PCDH15: variants seen among roughly 807,000 people sequenced by gnomAD.
The protein encoded by PCDH15 is protocadherin-15.
In PCDH15, 129 loss-of-function variants were observed where a neutral mutation model predicts 178.5. The ratio of observed to expected loss-of-function variants is 0.72; its 90% CI spans 0.63 to 0.84. The LOEUF (loss-of-function observed/expected upper bound fraction) is 0.84, where lower values mean the gene tolerates loss of function less well. PCDH15 is among the 40% of genes least tolerant of loss of function. The probability of loss-of-function intolerance (pLI) is 0.00; values close to 1 mark genes in which losing one functional copy is unlikely to be tolerated. For missense variants in PCDH15, 2,230 were observed against 2,099.9 expected (o/e 1.06, Z -1.21); for synonymous variants, 800 against 732.0 (o/e 1.09, Z -1.50).
At chr10:54,826,465 C>A (rs911664644) in intron 3 of PCDH15, among the ~76,000 whole-genome samples, 3 of 151,626 alleles carry the variant, frequency 2.0e-5, no homozygotes, top group African/African-American at 7.3e-5. Flanking sequence ...GCACACCCAA[C>A]AGAAATAATT....
At chr10:55,203,178 A>T (rs1165430412) in intron 1 of PCDH15, among the ~76,000 whole-genome samples, 2 of 152,026 alleles carry the variant, frequency 1.3e-5, no homozygotes, top group African/African-American at 4.8e-5. Context: ...AATATCAAAC[A>T]GTGTCCTTTT....
intron 2 of PCDH15, chr10:54,607,975 A>G (rs1178206395): frequency 2.0e-6 from 1 of 498,212 alleles, no homozygotes; most frequent in South Asian, 1.5e-5. Flanking sequence ...CACTTTGGAA[A>G]GGCTTTGCCT....
chr10:54,125,011 C>T (rs1051984723), intron 15 of PCDH15, among the ~76,000 whole-genome samples: 11 of 152,044 alleles, frequency 7.2e-5, no homozygotes, highest in Non-Finnish European at 1.3e-4. Flanking sequence ...TCCTTGAGGC[C>T]CAGACATTAA....
chr10:54,858,069 C>A (rs184516654), intron 3 of PCDH15, among the ~76,000 whole-genome samples: 1 of 152,096 alleles, frequency 6.6e-6, no homozygotes. Flanking sequence ...AACCTTATAC[C>A]TTCTGACTAG....
At chr10:55,176,404 A>G (rs1231688377) in intron 1 of PCDH15, among the ~76,000 whole-genome samples, 3 of 152,076 alleles carry the variant, frequency 2.0e-5, no homozygotes, top group Non-Finnish European at 4.4e-5. Context: ...GTGGAGACTG[A>G]TATTAACTCA....
chr10:54,026,258 C>T (rs542405680), intron 18 of PCDH15, among the ~76,000 whole-genome samples: 41 of 151,980 alleles, frequency 2.7e-4, no homozygotes, highest in South Asian at 2.3e-3. Flanking sequence ...TTATCAGAAA[C>T]GGGGTTTCCT....
chr10:55,312,960 C>T (rs1242957084), intron 1 of PCDH15, among the ~76,000 whole-genome samples: 2 of 152,114 alleles, frequency 1.3e-5, no homozygotes, highest in Admixed American at 6.5e-5. Flanking sequence ...TATGCTGATG[C>T]TGTATTTAGC....
At chr10:54,319,476 G>T (rs1211706345) in intron 7 of PCDH15, among the ~76,000 whole-genome samples, 1 of 152,056 alleles carries the variant, frequency 6.6e-6, no homozygotes, top group Non-Finnish European at 1.5e-5. Flanking sequence ...GCAATATCTG[G>T]CAGCAGTAAA....
intron 1 of PCDH15, among the ~76,000 whole-genome samples, chr10:55,213,977 A>G (rs1714119711): frequency 6.6e-6 from 1 of 151,882 alleles, no homozygotes; most frequent in Admixed American, 6.6e-5. Context: ...TATTATTTCA[A>G]TTCTAAGCAT....
At chr10:54,265,228 C>T (rs1251559999) in intron 8 of PCDH15, among the ~76,000 whole-genome samples, 1 of 152,052 alleles carries the variant, frequency 6.6e-6, no homozygotes, top group Admixed American at 6.6e-5. Flanking sequence ...GAATTTATCA[C>T]CACCAGACTA....
chr10:54,511,975 A>G (rs1377217058), intron 3 of PCDH15, among the ~76,000 whole-genome samples: 1 of 152,154 alleles, frequency 6.6e-6, no homozygotes, highest in African/African-American at 2.4e-5. Flanking sequence ...ATTTTATAAA[A>G]GAACTAATAC....
At chr10:55,567,956 G>T (rs577341608) in intron 2 of PCDH15, among the ~76,000 whole-genome samples, 3 of 152,078 alleles carry the variant, frequency 2.0e-5, no homozygotes, top group African/African-American at 7.2e-5. Flanking sequence ...AAACCCTTGT[G>T]CACTGTTAGT....
At chr10:53,809,482 ACTT>A (rs570398561) in intron 37 of PCDH15, 98 of 1,613,684 alleles carry the variant, frequency 6.1e-5, no homozygotes, top group Non-Finnish European at 7.4e-5. Context: ...AGTTACAACT[ACTT>A]CTTCCTCCTC....
intron 1 of PCDH15, among the ~76,000 whole-genome samples, chr10:54,729,086 A>T (rs1477676864): frequency 6.6e-6 from 1 of 151,532 alleles, no homozygotes; most frequent in East Asian, 1.9e-4. Context: ...AATTTACATG[A>T]AACCAAAAAG....
intron 2 of PCDH15, among the ~76,000 whole-genome samples, chr10:55,626,159 G>GAGAATA (rs1308807917): frequency 2.0e-5 from 3 of 151,032 alleles, no homozygotes; most frequent in African/African-American, 7.4e-5. Context: ...GAGAGAGAGA[G>GAGAATA]AATAAATAAA....
intron 2 of PCDH15, among the ~76,000 whole-genome samples, chr10:55,445,529 C>A (rs1383406599): frequency 6.6e-6 from 1 of 152,080 alleles, no homozygotes; most frequent in Non-Finnish European, 1.5e-5. Flanking sequence ...CTACATAAAA[C>A]AATGAGACAC....
At chr10:55,562,177 T>C (rs146116260) in intron 2 of PCDH15, among the ~76,000 whole-genome samples, 1 of 151,944 alleles carries the variant, frequency 6.6e-6, no homozygotes, top group Non-Finnish European at 1.5e-5. Flanking sequence ...CAAGGGGACA[T>C]TATAACAAAG....
At chr10:54,095,924 A>G (rs894591397) in intron 15 of PCDH15, among the ~76,000 whole-genome samples, 1 of 152,170 alleles carries the variant, frequency 6.6e-6, no homozygotes, top group African/African-American at 2.4e-5. Flanking sequence ...TCAACAAAAT[A>G]AACTTAGAAC....
chr10:55,086,149 T>TAA (rs1369588320), intron 2 of PCDH15, among the ~76,000 whole-genome samples: 1 of 152,070 alleles, frequency 6.6e-6, no homozygotes, highest in East Asian at 1.9e-4. Flanking sequence ...TGTTCTGATT[T>TAA]AATTTACCTG....
Sources: gnomAD v4.1 joint callset for allele counts (sites outside exome capture counted in the v4.1 genomes callset) on GRCh38, gnomAD v4.1.1 for gene constraint, MANE v1.5 for transcripts, NCBI Gene and HGNC (gene_info 2026-07-23, HGNC 2026-07-21) for gene names.